The following ADGRL2 variants were observed in gnomAD, a reference collection of about 807,000 sequenced individuals.
ADGRL2 encodes the protein calcium-independent alpha-latrotoxin receptor 2.
ADGRL2 carries 44 observed loss-of-function variants against 157.4 expected under a neutral mutation model. The ratio of observed to expected loss-of-function variants is 0.28; its 90% CI spans 0.22 to 0.36. The LOEUF (loss-of-function observed/expected upper bound fraction) is 0.36. Among genes scored for constraint, ADGRL2 ranks in the 10% least tolerant of loss-of-function variants. ADGRL2 has a pLI of 1.00. For missense variants in ADGRL2, 1,510 were observed against 1,768.9 expected (o/e 0.85, Z 2.63); for synonymous variants, 585 against 624.7 (o/e 0.94, Z 0.95).
At chr1:81,927,052 A>C (rs1203768180) in intron 3 of ADGRL2, among the ~76,000 whole-genome samples, 1 of 152,074 alleles carries the variant, frequency 6.6e-6, no homozygotes, top group African/African-American at 2.4e-5. Flanking sequence ...GTTGTAAATG[A>C]ACTAAATATT....
At chr1:81,794,323 A>G (rs547127270) in intron 2 of ADGRL2, among the ~76,000 whole-genome samples, 1 of 152,254 alleles carries the variant, frequency 6.6e-6, no homozygotes, top group East Asian at 1.9e-4. Context: ...CTCTTAATGC[A>G]CTAATAATCC....
At chr1:81,619,727 GTGTA>G (rs1020608230) in intron 3 of ADGRL2, among the ~76,000 whole-genome samples, 6 of 102,540 alleles carry the variant, frequency 5.9e-5, no homozygotes. Context: ...AGAGGGGTGT[GTGTA>G]TGTGTGTGTG....
chr1:81,908,634 T>A (rs575444266), intron 3 of ADGRL2, among the ~76,000 whole-genome samples: 1 of 152,200 alleles, frequency 6.6e-6, no homozygotes, highest in African/African-American at 2.4e-5. Context: ...TTGTATAGTA[T>A]GAGTATGTTT....
At chr1:81,390,509 T>A (rs1478111387) in intron 1 of ADGRL2, among the ~76,000 whole-genome samples, 3 of 152,156 alleles carry the variant, frequency 2.0e-5, no homozygotes, top group African/African-American at 7.2e-5. Flanking sequence ...TACAAATGAT[T>A]CATGCTTATG....
At chr1:81,617,604 A>G (rs2081688597) in intron 3 of ADGRL2, among the ~76,000 whole-genome samples, 1 of 152,230 alleles carries the variant, frequency 6.6e-6, no homozygotes, top group South Asian at 2.1e-4. Flanking sequence ...GTGAACAGCC[A>G]TGGATTTACA....
intron 3 of ADGRL2, among the ~76,000 whole-genome samples, chr1:81,651,832 C>G (rs1326661682): frequency 6.6e-6 from 1 of 152,116 alleles, no homozygotes; most frequent in Non-Finnish European, 1.5e-5. Context: ...CTCCTGGGTT[C>G]AAGCAATCCT....
intron 2 of ADGRL2, among the ~76,000 whole-genome samples, chr1:81,466,780 A>C (rs2101840556): frequency 6.6e-6 from 1 of 152,298 alleles, no homozygotes; most frequent in Non-Finnish European, 1.5e-5. Flanking sequence ...CAACTCCAGA[A>C]GTCATAAAAA....
chr1:81,573,530 T>C (rs2148506396), intron 2 of ADGRL2, among the ~76,000 whole-genome samples: 1 of 152,298 alleles, frequency 6.6e-6, no homozygotes, highest in South Asian at 2.1e-4. Flanking sequence ...AATAGTATTT[T>C]ATAATTCATG....
intron 5 of ADGRL2, 118 bp from the exon 6 acceptor site, chr1:81,942,851 G>A (rs1227737563): frequency 1.3e-6 from 1 of 776,802 alleles, no homozygotes; most frequent in African/African-American, 1.7e-5. Context: ...TATACATTTT[G>A]GTAAAATTGA....
intron 6 of ADGRL2, among the ~76,000 whole-genome samples, chr1:81,945,320 A>G (rs1449030723): frequency 2.0e-5 from 3 of 152,020 alleles, no homozygotes; most frequent in Admixed American, 1.3e-4. Context: ...CTAAAATTGT[A>G]TTGATCCTTA....
chr1:81,363,749 G>A (rs1402273638), intron 1 of ADGRL2, among the ~76,000 whole-genome samples: 2 of 152,062 alleles, frequency 1.3e-5, no homozygotes, highest in African/African-American at 4.8e-5. Context: ...AACTTTCTTA[G>A]TTGCCAAGTT....
chr1:81,673,037 GC>G (rs2082907595), intron 3 of ADGRL2, among the ~76,000 whole-genome samples: 1 of 152,184 alleles, frequency 6.6e-6, no homozygotes, highest in South Asian at 2.1e-4. Flanking sequence ...CCTTTAGGAA[GC>G]ATTGCTTGCC....
chr1:81,828,738 G>A (rs1333638221), intron 1 of ADGRL2, among the ~76,000 whole-genome samples: 2 of 152,038 alleles, frequency 1.3e-5, no homozygotes, highest in Non-Finnish European at 2.9e-5. Context: ...CCTACTCCAT[G>A]TTTGAGTAGT....
chr1:81,899,206 CA>C (rs1300471648), intron 2 of ADGRL2, among the ~76,000 whole-genome samples: 3 of 152,146 alleles, frequency 2.0e-5, no homozygotes, highest in African/African-American at 4.8e-5. Context: ...GTTAGAAAAG[CA>C]AATGTTCCTC....
intron 3 of ADGRL2, among the ~76,000 whole-genome samples, chr1:81,659,913 T>C (rs2082617920): frequency 6.6e-6 from 1 of 152,232 alleles, no homozygotes; most frequent in Admixed American, 6.5e-5. Flanking sequence ...GAAATGTTGT[T>C]TGTGTGTGCA....
At chr1:81,467,393 A>AG (rs2078079735) in intron 2 of ADGRL2, among the ~76,000 whole-genome samples, 1 of 152,210 alleles carries the variant, frequency 6.6e-6, no homozygotes, top group Non-Finnish European at 1.5e-5. Flanking sequence ...TTTAAAAAAG[A>AG]CAGGGAGGAA....
At chr1:81,628,756 C>A (rs2081956620) in intron 3 of ADGRL2, among the ~76,000 whole-genome samples, 1 of 152,156 alleles carries the variant, frequency 6.6e-6, no homozygotes, top group East Asian at 1.9e-4. Context: ...ACTTCTAAAT[C>A]AATCAAATGG....
Position 81,993,746 on chromosome 1 carries a change from AC to A in ADGRL2, c.*2604del, listed in dbSNP as rs1258280069. On this transcript the variant is annotated 3_prime_UTR_variant, in exon 24 of 24. Coordinates refer to ENST00000686636, the MANE Select transcript of ADGRL2 (RefSeq NM_001366006.2). ...TGCAGATGCGTTATTGTATTTATTA[AC>A]CCAGTTTCTTTGGGTCTGCCTAGAC... is the stretch of plus-strand genomic sequence containing the variant. 6.6e-6 allele frequency among the ~76,000 whole-genome samples: 1 copy of A among 152,114 alleles called. No homozygotes were observed. Among genetic ancestry groups the A allele is most frequent in the Non-Finnish European group, 1.5e-5 (1 of 68,034 alleles).
At chr1:81,501,865 A>G in intron 2 of ADGRL2, 1 of 1,598,844 alleles carries the variant, frequency 6.3e-7, no homozygotes, top group Non-Finnish European at 8.5e-7. Context: ...TGGATGCCAG[A>G]GAGAAGCAGG....
Sources: gnomAD v4.1 joint callset for allele counts (sites outside exome capture counted in the v4.1 genomes callset) on GRCh38, gnomAD v4.1.1 for gene constraint, MANE v1.5 for transcripts, NCBI Gene and HGNC (gene_info 2026-07-23, HGNC 2026-07-21) for gene names.